RESF1: variants seen among roughly 807,000 people sequenced by gnomAD.
RESF1 encodes the protein gonad expressed transcript.
Under a neutral mutation model 134.7 loss-of-function variants are expected in RESF1, and 65 were observed. The observed-to-expected ratio is 0.48, with a 90% CI of 0.40 to 0.59. The LOEUF is 0.59. Ranked by LOEUF, RESF1 falls within the 20% of genes least tolerant of loss-of-function variation. The pLI, the probability that RESF1 is intolerant of heterozygous loss-of-function variation, is 0.00. For missense variants in RESF1, 2,274 were observed against 2,002.7 expected (o/e 1.14, Z -2.59); for synonymous variants, 762 against 702.2 (o/e 1.09, Z -1.35).
intron 5 of RESF1, among the ~76,000 whole-genome samples, chr12:31,989,328 G>A (rs550539545): frequency 2.0e-5 from 3 of 149,542 alleles, no homozygotes; most frequent in Admixed American, 6.7e-5. Context: ...CCCAGGAGGC[G>A]GAGCTTGCCA....
In RESF1 at chr12:31,984,201, C is replaced by A; in HGVS notation, c.3246C>A (p.Tyr1082Ter). Residue 1082 changes from tyrosine (Y) to a stop codon, truncating the protein, a stop_gained, in exon 4 of 6, where the codon TAC becomes TAA. Coordinates refer to ENST00000312561, the MANE Select transcript of RESF1 (RefSeq NM_018169.4). LOFTEE classifies it high-confidence loss of function. ...REGSVGQQTT[Y>*]QTSEDQTADK... The stretch of plus-strand genomic sequence containing the variant: ...GTTCTGTGGGCCAGCAAACTACATA[C>A]CAGACCTCAGAAGATCAAACTGCTG... 5.6e-6 allele frequency: 9 copies of A among 1,613,916 alleles called. No individual in the cohort carries two copies. The highest frequency in any genetic ancestry group is 7.6e-6 in the Non-Finnish European group (9 of 1,179,954).
At position 31,992,376 on chromosome 12, in the gene RESF1, A is replaced by C. The variant is rs1940111337; in HGVS notation, c.5087-2A>C. 6.2e-7 allele frequency: 1 copy of C among 1,604,442 alleles called. No individual in the cohort carries two copies. The highest frequency in any genetic ancestry group is 1.3e-5 in the African/African-American group (1 of 74,300). On this transcript the variant is annotated splice_acceptor_variant, in intron 5 of 5. Coordinates refer to ENST00000312561, the MANE Select transcript of RESF1 (RefSeq NM_018169.4). LOFTEE classifies it high-confidence loss of function. ...AGTAAGTAAAGTTTTTATTTCCCTT[A>C]GATAATGTTAATTCAAGACTCTCGA... is the stretch of plus-strand genomic sequence containing the variant.
rs943391649 is a variant in RESF1, at chr12:31,992,893, T to C, written c.*358T>C. 5.0e-6 allele frequency: 1 copy of C among 201,986 alleles called. No homozygotes were observed. Among genetic ancestry groups the C allele is most frequent in the Non-Finnish European group, 1.0e-5 (1 of 100,004 alleles). The allele number at this position is 201,986 out of a possible 1,614,324, so 12.5% of individuals were successfully genotyped here. A position where few individuals can be genotyped will look rare whatever the true frequency, so the allele number is the denominator to read the frequency against. ...GTTTATTTAAATGGGACTGTAAATA[T>C]GTTTTGGTTTCTAAGCTATATTAGC... is the stretch of plus-strand genomic sequence containing the variant. On this transcript the variant is annotated 3_prime_UTR_variant, in exon 6 of 6. Transcript: ENST00000312561.
chr12:31,979,043 T>C (rs1015500601), intron 3 of RESF1, among the ~76,000 whole-genome samples: 2 of 151,374 alleles, frequency 1.3e-5, no homozygotes, highest in African/African-American at 4.9e-5. Flanking sequence ...GCCTCAGCCT[T>C]CTGAGTAGCT....
In RESF1 at chr12:31,967,197, T is replaced by C. The variant is rs186766166; in HGVS notation, c.-246-2992T>C. Reference sequence around the variant, plus strand: ...GGGGCTGGGGATACTGATCTTGATTTTGCTGTTGGACTTAGTAATATATGA... The same window carrying C: ...GGGGCTGGGGATACTGATCTTGATTCTGCTGTTGGACTTAGTAATATATGA... On this transcript the variant is annotated intron_variant, in intron 2 of 5. Transcript: ENST00000312561. Among the ~76,000 whole-genome samples the C allele has an allele frequency of 8.7e-4, 133 of 152,226 alleles. 1 individual carries two copies. The highest frequency in any genetic ancestry group is 4.3e-4 in the Non-Finnish European group (29 of 68,034).
Position 31,981,318 on chromosome 12 carries a change from C to T in RESF1, c.363C>T (p.Asn121=). 5 of 1,614,092 alleles carry T rather than the reference C, an allele frequency of 3.1e-6. No homozygotes were observed. The highest frequency in any genetic ancestry group is 1.1e-5 in the South Asian group (1 of 91,064). Reference sequence around the variant, plus strand: ...GAGTTACCCAAAACGTATGGTTGAACTCACCAATGAGGAATCCTGTGCATT... The same window carrying T: ...GAGTTACCCAAAACGTATGGTTGAATTCACCAATGAGGAATCCTGTGCATT... The part of the protein sequence containing the change: ...SSGVTQNVWL[N]SPMRNPVHSH... The change falls in exon 4 of 6, where the codon AAC becomes AAT. Residue 121 remains asparagine (N), a synonymous_variant. Coordinates refer to ENST00000312561, the MANE Select transcript of RESF1 (RefSeq NM_018169.4).
chr12:31,966,406 G>A (rs1939397957), intron 2 of RESF1, among the ~76,000 whole-genome samples: 2 of 152,290 alleles, frequency 1.3e-5, no homozygotes, highest in Non-Finnish European at 2.9e-5. Context: ...CCATTTTAGG[G>A]AATAATACAA....
Position 31,969,330 on chromosome 12 carries a change from C to T in RESF1, c.-246-859C>T, listed in dbSNP as rs1346401485. On this transcript the variant is annotated intron_variant, in intron 2 of 5. Transcript: ENST00000312561. ...GACCAGCCTAGGCAACATGGAGAAA[C>T]CTCATCTCTACAAAACATTAAAAAA... Among the ~76,000 whole-genome samples the T allele has an allele frequency of 6.6e-5, 10 of 152,184 alleles. No homozygotes were observed. In the East Asian group the frequency reaches 1.7e-3, roughly 26 times the overall value.
intron 1 of RESF1, among the ~76,000 whole-genome samples, chr12:31,960,139 A>G (rs886348017): frequency 6.6e-6 from 1 of 152,046 alleles, no homozygotes; most frequent in Non-Finnish European, 1.5e-5. Context: ...TTTTAAATGC[A>G]CAAACGCATA....
chr12:31,970,082 A>G (rs1354697319), intron 2 of RESF1, 107 bp from the exon 3 acceptor site: 1 of 152,184 alleles, frequency 6.6e-6, no homozygotes, highest in Non-Finnish European at 1.5e-5. Context: ...AGTTATTTGC[A>G]TTGTGTGGAT....
Position 31,985,757 on chromosome 12 carries a change from A to G in RESF1, c.4802A>G (p.Glu1601Gly). Residue 1601 changes from glutamate (E) to glycine (G), a missense_variant, in exon 4 of 6, where the codon GAA becomes GGA. By Grantham distance (98) the Glu-to-Gly change is moderately conservative. Coordinates refer to ENST00000312561, the MANE Select transcript of RESF1 (RefSeq NM_018169.4). ...ERESISLTKL[E>G]SSPRKLHKDK... ...GAAAGCATTTCTCTCACCAAATTAG[A>G]AAGTTCACCCAGGAAGCTTCATAAA... is the stretch of plus-strand genomic sequence containing the variant. The G allele has an allele frequency of 1.3e-6, 2 of 1,579,028 alleles. No homozygotes were observed. Among genetic ancestry groups the G allele is most frequent in the Non-Finnish European group, 1.7e-6 (2 of 1,168,500 alleles).
At chr12:31,974,966 A>G (rs1939598028) in intron 3 of RESF1, among the ~76,000 whole-genome samples, 1 of 149,924 alleles carries the variant, frequency 6.7e-6, no homozygotes, top group African/African-American at 2.5e-5. Context: ...TATTTTCTAG[A>G]AGAGTTTTAG....
intron 3 of RESF1, among the ~76,000 whole-genome samples, chr12:31,977,926 C>T (rs1939675160): frequency 6.6e-6 from 1 of 151,606 alleles, no homozygotes; most frequent in African/African-American, 2.4e-5. Context: ...CCACCTCAGC[C>T]TTCCAAGTAG....
rs540836508 is a variant in RESF1, at chr12:31,988,480, A to G, written c.5086+1158A>G. 9.2e-5 allele frequency among the ~76,000 whole-genome samples: 14 copies of G among 152,326 alleles called. No individual in the cohort carries two copies. The South Asian group carries it at 2.3e-3, about 25-fold the overall frequency. ...ATGTGTGGGGGGTATGCTTTAGGTT[A>G]TATACAATATACTATGCCATTTTAC... On this transcript the variant is annotated intron_variant, in intron 5 of 5. Transcript: ENST00000312561.
Position 31,987,273 on chromosome 12 carries a change from A to C in RESF1, c.5037A>C (p.Leu1679Phe), listed in dbSNP as rs1297775971. The C allele has an allele frequency of 6.2e-7, 1 of 1,601,468 alleles. No homozygotes were observed. The highest frequency in any genetic ancestry group is 8.5e-7 in the Non-Finnish European group (1 of 1,170,000). The change falls in exon 5 of 6, where the codon TTA becomes TTC. Residue 1679 changes from leucine (L) to phenylalanine (F), a missense_variant. Transcript: ENST00000312561. ...SGIKSTKEDW[L>F]KFVATKKRTQ... ...TAAAAAGTACAAAAGAAGACTGGTT[A>C]AAATTTGTTGCTACAAAGAAAAGGA...
At chr12:31,978,986 T>C (rs1427879777) in intron 3 of RESF1, among the ~76,000 whole-genome samples, 1 of 148,780 alleles carries the variant, frequency 6.7e-6, no homozygotes, top group African/African-American at 2.5e-5. Context: ...AGTGGCGCCA[T>C]CTGGGCTCAC....
chr12:31,969,651 G>T (rs1565838788), intron 2 of RESF1, among the ~76,000 whole-genome samples: 1 of 152,098 alleles, frequency 6.6e-6, no homozygotes, highest in Non-Finnish European at 1.5e-5. Context: ...GTTTTCTTTT[G>T]TTTTTGAGAC....
intron 3 of RESF1, among the ~76,000 whole-genome samples, chr12:31,976,908 A>G (rs55651717): frequency 0.17 from 25,288 of 152,078 alleles, 2,553 homozygotes; most frequent in African/African-American, 0.28. Flanking sequence ...GTAGTGTCTC[A>G]TACAGTGTTT....
rs539414553 is a variant in RESF1, at chr12:31,966,632, A to G, written c.-246-3557A>G. Among the ~76,000 whole-genome samples the G allele has an allele frequency of 1.7e-4, 26 of 152,286 alleles. 1 individual carries two copies. Among genetic ancestry groups the G allele is most frequent in the African/African-American group, 4.6e-4 (19 of 41,562 alleles). On this transcript the variant is annotated intron_variant, in intron 2 of 5. Coordinates refer to ENST00000312561, the MANE Select transcript of RESF1 (RefSeq NM_018169.4). The stretch of plus-strand genomic sequence containing the variant: ...TTTATTTCTCCCTTTTTTAGGGAGA[A>G]AGCCCTGTGGCTCTCACTGGTGAAG...
Sources: allele counts gnomAD v4.1 joint callset (sites outside exome capture counted in the v4.1 genomes callset), GRCh38; gene constraint gnomAD v4.1.1; transcripts MANE v1.5; gene names NCBI Gene and HGNC (gene_info 2026-07-23, HGNC 2026-07-21).